The following GNG7 variants were observed in gnomAD, a reference collection of about 807,000 sequenced individuals.
GNG7 encodes G protein subunit gamma 7, also known as guanine nucleotide-binding protein G(I)/G(S)/G(O) subunit gamma-7.
Under a neutral mutation model 4.0 loss-of-function variants are expected in GNG7, and 1 was observed. The ratio of observed to expected loss-of-function variants is 0.25; its 90% confidence interval spans 0.09 to 1.18. GNG7 has a LOEUF of 1.18. Ranked by LOEUF, GNG7 falls within the 50% of genes most tolerant of loss-of-function variation. GNG7 has a pLI of 0.50. For missense variants in GNG7, 86 were observed against 91.9 expected (o/e 0.94, Z 0.26); for synonymous variants, 34 against 36.9 (o/e 0.92, Z 0.29).
At chr19:2,603,243 T>C (rs1272948942) in intron 2 of GNG7, among the ~76,000 whole-genome samples, 1 of 152,110 alleles carries the variant, frequency 6.6e-6, no homozygotes, top group Non-Finnish European at 1.5e-5. Flanking sequence ...ATTTTTGTAT[T>C]TTTAGTAGAG....
intron 2 of GNG7, among the ~76,000 whole-genome samples, chr19:2,568,986 TACACATATTTAC>T (rs1980058914): frequency 6.6e-6 from 1 of 150,780 alleles, no homozygotes; most frequent in South Asian, 2.1e-4. Context: ...AACATACACA[TACACATATTTAC>T]ACACATATAC....
At chr19:2,579,560 T>C (rs536672659) in intron 2 of GNG7, among the ~76,000 whole-genome samples, 3 of 152,272 alleles carry the variant, frequency 2.0e-5, no homozygotes, top group East Asian at 3.9e-4. Flanking sequence ...CAAGTGTTTA[T>C]GGTAACAAGA....
At chr19:2,581,448 G>A (rs1027093895) in intron 2 of GNG7, among the ~76,000 whole-genome samples, 10 of 152,138 alleles carry the variant, frequency 6.6e-5, no homozygotes, top group African/African-American at 2.4e-4. Flanking sequence ...AAACCACAGG[G>A]GGGTGAGAAC....
chr19:2,554,945 C>A (rs916718454), intron 3 of GNG7, among the ~76,000 whole-genome samples: 1 of 152,148 alleles, frequency 6.6e-6, no homozygotes, highest in Non-Finnish European at 1.5e-5. Flanking sequence ...ACAGTTGACG[C>A]GAACCCACCC....
chr19:2,576,240 G>A (rs1980335347), intron 2 of GNG7, among the ~76,000 whole-genome samples: 1 of 152,272 alleles, frequency 6.6e-6, no homozygotes, highest in Non-Finnish European at 1.5e-5. Context: ...CTCGGATGAC[G>A]TGCAGGCGTG....
chr19:2,680,414 T>G lies in GNG7; in HGVS notation c.-135+22232A>C, dbSNP rs146800874. 5.5e-3 allele frequency among the ~76,000 whole-genome samples: 834 copies of G among 152,200 alleles called. 11 individuals are homozygous for G. The highest frequency in any genetic ancestry group is 0.019 in the African/African-American group (792 of 41,532). On this transcript the variant is annotated intron_variant, in intron 1 of 4. Transcript: ENST00000382159. ...ATCCACCCGCCTCGGTCTCCCAAAG[T>G]GCTGGGATTACAGGCATGAGCCACC...
intron 2 of GNG7, among the ~76,000 whole-genome samples, chr19:2,574,149 C>T (rs1206929211): frequency 2.6e-5 from 4 of 152,210 alleles, no homozygotes; most frequent in African/African-American, 4.8e-5. Flanking sequence ...CACCATCTCC[C>T]GGGGTGTCCC....
rs1981675044 is a variant in GNG7 at position 2,614,841 on chromosome 19, A to G, written c.-78+31383T>C. ...TGGGTCATGTGGCGACTCCGCGTTC[A>G]GCCTTTTGAGGAACCACCAGACTGG... On this transcript the variant is annotated intron_variant, in intron 2 of 4. Transcript: ENST00000382159. The surrounding 1 kb of genome is among the most constrained non-coding windows in gnomAD (Gnocchi z 6.0). Among the ~76,000 whole-genome samples the G allele has an allele frequency of 6.6e-6, 1 of 152,214 alleles. No individual in the cohort carries two copies. The highest frequency in any genetic ancestry group is 1.5e-5 in the Non-Finnish European group (1 of 68,032).
intron 1 of GNG7, among the ~76,000 whole-genome samples, chr19:2,684,261 C>A (rs945667346): frequency 2.6e-5 from 4 of 151,692 alleles, no homozygotes; most frequent in East Asian, 2.0e-4. Flanking sequence ...CTCAGCCTCG[C>A]GAGTAGCTGG....
chr19:2,676,099 C>T (rs1983586525), intron 1 of GNG7, among the ~76,000 whole-genome samples: 1 of 152,186 alleles, frequency 6.6e-6, no homozygotes, highest in Non-Finnish European at 1.5e-5. Context: ...GTCACCAGCC[C>T]AGGGGCGCCA....
intron 3 of GNG7, among the ~76,000 whole-genome samples, chr19:2,533,432 G>T (rs951038686): frequency 7.9e-5 from 12 of 152,218 alleles, no homozygotes; most frequent in Non-Finnish European, 1.0e-4. Context: ...AAAGGGCCAT[G>T]AAATAACTTC....
In GNG7 at chr19:2,575,742, C is replaced by T. The variant is rs1156641967; in HGVS notation, c.-77-20554G>A. On this transcript the variant is annotated intron_variant, in intron 2 of 4. Transcript: ENST00000382159. Reference sequence around the variant, plus strand: ...ACGCAGACACGCAGGCACACGCACACGCAGGCACACGCAGACACGCAGGCA... The same window carrying T: ...ACGCAGACACGCAGGCACACGCACATGCAGGCACACGCAGACACGCAGGCA... 4.2e-3 allele frequency among the ~76,000 whole-genome samples: 524 copies of T among 124,128 alleles called. 45 individuals carry two copies. The highest frequency in any genetic ancestry group is 0.018 in the African/African-American group (502 of 27,338). 81.4% of individuals were successfully genotyped at this position (124,128 alleles called of 152,430 possible). A position where few individuals can be genotyped will look rare whatever the true frequency, so the allele number is the denominator to read the frequency against.
rs938609308 is a variant in GNG7 at position 2,530,229 on chromosome 19, A to G, written c.-37-9504T>C. 2.6e-5 allele frequency among the ~76,000 whole-genome samples: 4 copies of G among 152,028 alleles called. No individual in the cohort carries two copies. The South Asian group carries it at 6.2e-4, about 24-fold the overall frequency. On this transcript the variant is annotated intron_variant, in intron 3 of 4. Transcript: ENST00000382159. ...GGAGTTTGAGACCAGCCTGGCCAAC[A>G]TGGTGAAACCCCATCTCTGCTAAAA...
intron 2 of GNG7, among the ~76,000 whole-genome samples, chr19:2,556,173 C>G (rs2144763802): frequency 6.6e-6 from 1 of 152,374 alleles, no homozygotes; most frequent in Non-Finnish European, 1.5e-5. Flanking sequence ...ATGCCAGGTT[C>G]TGTGTCTCCC....
chr19:2,552,620 A>G (rs1979366791), intron 3 of GNG7, among the ~76,000 whole-genome samples: 1 of 151,238 alleles, frequency 6.6e-6, no homozygotes, highest in East Asian at 1.9e-4. Context: ...CCTGACCTCA[A>G]GTGATCCACC....
chr19:2,602,286 G>C (rs1457764975), intron 2 of GNG7, among the ~76,000 whole-genome samples: 3 of 152,158 alleles, frequency 2.0e-5, no homozygotes, highest in Non-Finnish European at 1.5e-5. Context: ...GCAGTGAGCT[G>C]AGATCGCGCC....
chr19:2,552,017 G>A (rs575617385), intron 3 of GNG7, among the ~76,000 whole-genome samples: 211 of 152,264 alleles, frequency 1.4e-3, no homozygotes, highest in African/African-American at 4.9e-3. Context: ...CCCAACGCTT[G>A]CATTCCCGCC....
At chr19:2,684,627 CAGA>C (rs1441850154) in intron 1 of GNG7, among the ~76,000 whole-genome samples, 1 of 152,178 alleles carries the variant, frequency 6.6e-6, no homozygotes, top group Non-Finnish European at 1.5e-5. Flanking sequence ...AAGCCAGGCA[CAGA>C]AGGACACATC....
intron 2 of GNG7, among the ~76,000 whole-genome samples, chr19:2,602,419 C>T (rs140387726): frequency 1.3e-5 from 2 of 152,206 alleles, no homozygotes; most frequent in African/African-American, 2.4e-5. Flanking sequence ...GTACCCACCC[C>T]CTCCTGCACG....
Sources: allele counts gnomAD v4.1 joint callset (sites outside exome capture counted in the v4.1 genomes callset), GRCh38; gene constraint gnomAD v4.1.1; non-coding constraint Gnocchi (gnomAD v3.1); transcripts MANE v1.5; gene names NCBI Gene and HGNC (gene_info 2026-07-23, HGNC 2026-07-21).